MORC1: variants seen among roughly 807,000 people sequenced by gnomAD.
MORC1 encodes the protein MORC family CW-type zinc finger protein 1.
In MORC1, 59 loss-of-function variants were observed where a neutral mutation model predicts 134.9. That is an observed-to-expected ratio of 0.44 (90% CI 0.35 to 0.54). MORC1 has a LOEUF of 0.54. Among genes scored for constraint, MORC1 ranks in the 20% least tolerant of loss-of-function variants. The pLI is 0.00. For synonymous variants in MORC1, 395 were observed against 391.7 expected (o/e 1.01, Z -0.10); for missense variants, 947 against 1,134.5 (o/e 0.83, Z 2.37).
intron 15 of MORC1, 85 bp downstream of exon 15, chr3:109,035,255 C>G: frequency 1.1e-5 from 14 of 1,260,746 alleles, no homozygotes; most frequent in Non-Finnish European, 1.4e-5. Context: ...ACCTTTGTCT[C>G]CCTCATCCCT....
At chr3:109,117,944 C>T (rs759847591) in intron 1 of MORC1, 51 bp downstream of exon 1, 2 of 1,460,522 alleles carry the variant, frequency 1.4e-6, no homozygotes, top group South Asian at 1.2e-5. Context: ...AACCTTTCTT[C>T]ATGGCGGGCG....
At chr3:109,105,006 T>C (rs1347037706) in intron 3 of MORC1, among the ~76,000 whole-genome samples, 1 of 152,160 alleles carries the variant, frequency 6.6e-6, no homozygotes, top group African/African-American at 2.4e-5. Flanking sequence ...CACCCTCACC[T>C]TACCCTCAAG....
At chr3:109,100,260 T>C (rs1224763364) in intron 5 of MORC1, among the ~76,000 whole-genome samples, 157 bp downstream of exon 5, 1 of 152,110 alleles carries the variant, frequency 6.6e-6, no homozygotes, top group African/African-American at 2.4e-5. Flanking sequence ...AAAAGTCAGT[T>C]TTGTATATGG....
At chr3:109,046,278 A>G (rs1479421677) in intron 14 of MORC1, among the ~76,000 whole-genome samples, 5 of 152,230 alleles carry the variant, frequency 3.3e-5, no homozygotes, top group African/African-American at 4.8e-5. Context: ...TACAGGCCTC[A>G]TTACGGCAAA....
chr3:109,114,506 T>G, intron 1 of MORC1, 69 bp from the exon 2 acceptor site: 1 of 1,372,924 alleles, frequency 7.3e-7, no homozygotes, highest in Non-Finnish European at 1.0e-6. Flanking sequence ...GCTTTAAGAT[T>G]CTTGCAGACA....
At chr3:109,109,674 C>T (rs1237673297) in intron 3 of MORC1, 1 of 152,244 alleles carries the variant, frequency 6.6e-6, no homozygotes, top group Non-Finnish European at 1.5e-5. Context: ...ACTCACTTTT[C>T]CCCTGTGGAG....
At chr3:109,027,985 T>C (rs1949126316) in intron 16 of MORC1, 96 bp from the exon 17 acceptor site, 3 of 1,312,812 alleles carry the variant, frequency 2.3e-6, no homozygotes, top group Non-Finnish European at 3.1e-6. Context: ...AGTTACTCTT[T>C]ATGTCATATA....
At chr3:109,063,758 C>T (rs184048831) in intron 9 of MORC1, among the ~76,000 whole-genome samples, 3 of 152,152 alleles carry the variant, frequency 2.0e-5, no homozygotes, top group Admixed American at 6.5e-5. Context: ...GGCAAAGATG[C>T]TCTAGAACAA....
chr3:109,029,136 G>A (rs150093929), intron 16 of MORC1, among the ~76,000 whole-genome samples: 2 of 152,314 alleles, frequency 1.3e-5, no homozygotes, highest in African/African-American at 4.8e-5. Flanking sequence ...TACCAACAGA[G>A]AAGAGTTAGG....
chr3:108,972,348 AT>A (rs1947410593), intron 24 of MORC1, among the ~76,000 whole-genome samples: 1 of 152,140 alleles, frequency 6.6e-6, no homozygotes, highest in South Asian at 2.1e-4. Flanking sequence ...GATTTGCAAA[AT>A]TTTTCCAGTT....
chr3:109,059,241 A>T (rs961249736), intron 12 of MORC1, among the ~76,000 whole-genome samples: 3 of 152,148 alleles, frequency 2.0e-5, no homozygotes, highest in Admixed American at 2.0e-4. Context: ...GGCAGCAGTG[A>T]TTATTTTAAG....
intron 14 of MORC1, among the ~76,000 whole-genome samples, chr3:109,040,431 A>G (rs9857314): frequency 0.1 from 1,995 of 19,566 alleles, 52 homozygotes; most frequent in African/African-American, 0.13. Context: ...AAGGAAGGAA[A>G]GAAAGAAAGA....
intron 23 of MORC1, among the ~76,000 whole-genome samples, chr3:108,982,200 G>A (rs1238743443): frequency 1.3e-5 from 2 of 152,138 alleles, no homozygotes; most frequent in African/African-American, 4.8e-5. Context: ...AAACCACAAT[G>A]AGATACCATC....
At chr3:108,981,378 C>T (rs746797829) in intron 23 of MORC1, among the ~76,000 whole-genome samples, 19 of 152,060 alleles carry the variant, frequency 1.2e-4, no homozygotes, top group Non-Finnish European at 2.5e-4. Flanking sequence ...TCTAACTTTG[C>T]TGATTTTTTT....
intron 13 of MORC1, among the ~76,000 whole-genome samples, chr3:109,055,817 C>T (rs1240014914): frequency 6.6e-6 from 1 of 152,092 alleles, no homozygotes; most frequent in Non-Finnish European, 1.5e-5. Flanking sequence ...GATAAATATA[C>T]AAGATCATTT....
rs144937298 is a variant in MORC1, at chr3:108,987,769, T to TGA, written c.2188-822_2188-821dup. Among the ~76,000 whole-genome samples the TGA allele has an allele frequency of 2.0e-3, 307 of 149,880 alleles. 2 individuals are homozygous for TGA. Among genetic ancestry groups the TGA allele is most frequent in the African/African-American group, 6.1e-3 (250 of 40,962 alleles). On this transcript the variant is annotated intron_variant, in intron 21 of 27. Coordinates refer to ENST00000232603, the MANE Select transcript of MORC1 (RefSeq NM_014429.4). ...TTACACTTTGGGAATATACCTTAGA[T>TGA]GAGAGAGAGAGAGAGAATGTGTCTG...
Position 108,977,786 on chromosome 3 carries a change from C to T in MORC1, c.2477+1729G>A, listed in dbSNP as rs188394008. Among the ~76,000 whole-genome samples the T allele has an allele frequency of 3.7e-3, 559 of 152,220 alleles. 3 individuals are homozygous for T. The highest frequency in any genetic ancestry group is 0.013 in the African/African-American group (538 of 41,522). ...AATACCACTTCTAGAAAAATACAGGCAGAGGGTGGGAAACTAGTTAGAGAA... is the reference window on the plus strand; with the variant it reads ...AATACCACTTCTAGAAAAATACAGGTAGAGGGTGGGAAACTAGTTAGAGAA... On this transcript the variant is annotated intron_variant, in intron 24 of 27. Transcript: ENST00000232603.
intron 23 of MORC1, among the ~76,000 whole-genome samples, chr3:108,983,247 T>C (rs1344543276): frequency 2.0e-5 from 3 of 152,172 alleles, no homozygotes; most frequent in Non-Finnish European, 2.9e-5. Flanking sequence ...TCAACAAATA[T>C]TACTGAGTGC....
At chr3:109,015,256 G>A (rs953883724) in intron 17 of MORC1, among the ~76,000 whole-genome samples, 2 of 152,120 alleles carry the variant, frequency 1.3e-5, no homozygotes, top group African/African-American at 2.4e-5. Flanking sequence ...CAGGGTGAAG[G>A]CAAAAATTCA....
Sources: gnomAD v4.1 joint callset for allele counts (sites outside exome capture counted in the v4.1 genomes callset) on GRCh38, gnomAD v4.1.1 for gene constraint, MANE v1.5 for transcripts, NCBI Gene and HGNC (gene_info 2026-07-23, HGNC 2026-07-21) for gene names.